ANKRD46: variants seen among roughly 807,000 people sequenced by gnomAD.
ANKRD46 encodes ankyrin repeat domain 46, also known as ankyrin repeat domain-containing protein 46.
In ANKRD46, 13 loss-of-function variants were observed where a neutral mutation model predicts 19.8. The observed-to-expected ratio is 0.66, with a 90% confidence interval of 0.43 to 1.04. The LOEUF (loss-of-function observed/expected upper bound fraction) is 1.04. Ranked by LOEUF, ANKRD46 falls within the 50% of genes least tolerant of loss-of-function variation. The probability of loss-of-function intolerance (pLI) is 0.00; values close to 1 mark genes in which losing one functional copy is unlikely to be tolerated. For missense variants in ANKRD46, 185 were observed against 274.8 expected (o/e 0.67, Z 2.31); for synonymous variants, 91 against 106.9 (o/e 0.85, Z 0.92).
At chr8:100,519,707 C>G (rs1811689819), downstream of ANKRD46, among the ~76,000 whole-genome samples, 1 of 152,162 alleles carries the variant, frequency 6.6e-6, no homozygotes, top group South Asian at 2.1e-4. Context: ...AGTGGTAAAC[C>G]TGTGGCAGGT....
At chr8:100,538,349 C>A (rs561064939) in intron 1 of ANKRD46, among the ~76,000 whole-genome samples, 1 of 152,112 alleles carries the variant, frequency 6.6e-6, no homozygotes, top group African/African-American at 2.4e-5. Context: ...ATACTGAACA[C>A]GTATGTACAG....
Position 100,522,646 on chromosome 8 carries a change from A to T in ANKRD46, c.596T>A (p.Ile199Asn). ...DLGFWRVLLL[I>N]FVIALLSLGI... The stretch of plus-strand genomic sequence containing the variant: ...AAGAGACAGCAAAGCAATGACGAAG[A>T]TCAACAGCAATACTCTCCAGAAGCC... The change falls in exon 5 of 5, where the codon ATC becomes AAC. Residue 199 changes from isoleucine to asparagine, a missense_variant. By Grantham distance (149) the Ile-to-Asn change is moderately radical. Transcript: ENST00000335659. 1.2e-6 allele frequency: 2 copies of T among 1,614,124 alleles called. No homozygotes were observed. The highest frequency in any genetic ancestry group is 1.7e-6 in the Non-Finnish European group (2 of 1,180,030).
chr8:100,520,494 C>T (rs1021999535), downstream of ANKRD46, among the ~76,000 whole-genome samples: 1 of 151,964 alleles, frequency 6.6e-6, no homozygotes, highest in African/African-American at 2.4e-5. Context: ...ATGTAGTGCT[C>T]AAGGGGGCGT....
rs374714449 is a variant in ANKRD46 at position 100,529,794 on chromosome 8, C to T, written c.40G>A (p.Val14Met). The change falls in exon 3 of 5, where the codon GTG (valine) becomes ATG (methionine). Residue 14 changes from valine (V) to methionine (M), a missense_variant. Physicochemically the swap from Val to Met is conservative, Grantham distance 21 (BLOSUM62 1). Coordinates refer to ENST00000335659, the MANE Select transcript of ANKRD46 (RefSeq NM_001270377.2). This position sits in a 1 kb window ranked among gnomAD's most constrained non-coding sequence, Gnocchi z 5.8. The stretch of plus-strand genomic sequence containing the variant: ...TCAATACAGGCTTGCAGCAAGGGCA[C>T]GTTAGTCTGAGAAGAATCATTTACA... ...VFVNDSSQTNVPLLQACIDGD... is the reference protein window; with the variant it reads ...VFVNDSSQTNMPLLQACIDGD... 33 of 1,614,182 alleles carry T rather than the reference C, an allele frequency of 2.0e-5. No homozygotes were observed. Among genetic ancestry groups the T allele is most frequent in the Non-Finnish European group, 2.5e-5 (30 of 1,180,042 alleles).
rs117723342 is a variant in ANKRD46 at position 100,543,658 on chromosome 8, T to C, written c.-130-10347A>G. Among the ~76,000 whole-genome samples the C allele has an allele frequency of 5.3e-3, 805 of 152,294 alleles. 6 individuals carry two copies. The highest frequency in any genetic ancestry group is 7.2e-3 in the Non-Finnish European group (492 of 68,010). ...AATAAATAAATTACACTCTCAGGAT[T>C]GACGAGCTTTGGATTTGGGGAAATG... On this transcript the variant is annotated intron_variant, in intron 1 of 4. Transcript: ENST00000335659. The surrounding 1 kb of genome is among the most constrained non-coding windows in gnomAD (Gnocchi z 4.2).
intron 5 of ANKRD46, among the ~76,000 whole-genome samples, chr8:100,514,845 C>T (rs891291914): frequency 6.6e-6 from 1 of 151,816 alleles, no homozygotes; most frequent in African/African-American, 2.4e-5. Flanking sequence ...TCACCATATT[C>T]GCCAGGCTGG....
In ANKRD46 at chr8:100,536,100, A is replaced by G. The variant is rs895629946; in HGVS notation, c.-130-2789T>C. On this transcript the variant is annotated intron_variant, in intron 1 of 4. Coordinates refer to ENST00000335659, the MANE Select transcript of ANKRD46 (RefSeq NM_001270377.2). The surrounding 1 kb of genome is among the most constrained non-coding windows in gnomAD (Gnocchi z 4.9). The stretch of plus-strand genomic sequence containing the variant: ...CAAGGGCACAGGTGGATGTACTGGC[A>G]TTTACCAAAGGGAGTGTTTAATAAG... Among the ~76,000 whole-genome samples the G allele has an allele frequency of 2.0e-5, 3 of 152,128 alleles. No individual in the cohort carries two copies. Among genetic ancestry groups the G allele is most frequent in the African/African-American group, 7.2e-5 (3 of 41,428 alleles).
In ANKRD46 at chr8:100,542,700, C is replaced by T. The variant is rs967134643; in HGVS notation, c.-130-9389G>A. Among the ~76,000 whole-genome samples, 5 of 152,128 alleles carry T rather than the reference C, an allele frequency of 3.3e-5. No individual in the cohort carries two copies. The South Asian group carries it at 1.0e-3, about 32-fold the overall frequency. ...TCACAAAAGAAAAACAGATTCCCTG[C>T]CCCCAGGTTTTCTAGCCTAGTTCAT... On this transcript the variant is annotated intron_variant, in intron 1 of 4. Coordinates refer to ENST00000335659, the MANE Select transcript of ANKRD46 (RefSeq NM_001270377.2).
downstream of ANKRD46, among the ~76,000 whole-genome samples, chr8:100,520,143 C>T (rs950272329): frequency 1.3e-5 from 2 of 151,962 alleles, no homozygotes; most frequent in African/African-American, 2.4e-5. Flanking sequence ...CAGTCAAGTA[C>T]GGTTAACTAT....
Position 100,529,874 on chromosome 8 carries a change from G to T in ANKRD46, c.-27-14C>A. The T allele has an allele frequency of 6.4e-7, 1 of 1,568,818 alleles. No individual in the cohort carries two copies. The highest frequency in any genetic ancestry group is 8.7e-7 in the Non-Finnish European group (1 of 1,148,018). On this transcript the variant is annotated splice_polypyrimidine_tract_variant and intron_variant, in intron 2 of 4. Transcript: ENST00000335659. The surrounding 1 kb of genome is among the most constrained non-coding windows in gnomAD (Gnocchi z 5.8). The stretch of plus-strand genomic sequence containing the variant: ...GATGGAACACGCCTGTAATGAAATA[G>T]GTGAGTGAGATTCCATGAAGACAAA...
intron 5 of ANKRD46, among the ~76,000 whole-genome samples, chr8:100,513,611 CTAAAATAACAAA>C (rs1223288708): frequency 2.0e-5 from 3 of 152,088 alleles, no homozygotes; most frequent in Non-Finnish European, 4.4e-5. Context: ...TGGAACTTAC[CTAAAATAACAAA>C]TAAATTTGGA....
At position 100,522,276 on chromosome 8, in the gene ANKRD46, C is replaced by G; in HGVS notation, c.*279G>C. On this transcript the variant is annotated 3_prime_UTR_variant, in exon 5 of 5. Coordinates refer to ENST00000335659, the MANE Select transcript of ANKRD46 (RefSeq NM_001270377.2). ...AGCTTCTTCCTTTATCTTCCATTCT[C>G]TAGTCACTTCCGTGTTTTTATCAAA... is the stretch of plus-strand genomic sequence containing the variant. 8.2e-7 allele frequency: 1 copy of G among 1,215,900 alleles called. No homozygotes were observed. Among genetic ancestry groups the G allele is most frequent in the African/African-American group, 1.5e-5 (1 of 65,614 alleles). 75.3% of individuals were successfully genotyped at this position (1,215,900 alleles called of 1,614,324 possible).
intron 5 of ANKRD46, among the ~76,000 whole-genome samples, chr8:100,512,249 C>A (rs1423300896): frequency 1.3e-5 from 2 of 152,178 alleles, no homozygotes; most frequent in African/African-American, 4.8e-5. Context: ...TTATAGCATT[C>A]TCTGAGCCAG....
At chr8:100,552,692 T>A (rs1306452303) in intron 1 of ANKRD46, among the ~76,000 whole-genome samples, 4 of 152,258 alleles carry the variant, frequency 2.6e-5, no homozygotes, top group Non-Finnish European at 5.9e-5. Flanking sequence ...ATACATTCAC[T>A]TTATTTTTCT....
rs575845511 is a variant in ANKRD46, at chr8:100,536,498, C to G, written c.-130-3187G>C. ...AAAATAAGCTATTATCCTTTTCAGGCTAGACACAGCTCTGGGGAGACAGTC... is the reference window on the plus strand; with the variant it reads ...AAAATAAGCTATTATCCTTTTCAGGGTAGACACAGCTCTGGGGAGACAGTC... On this transcript the variant is annotated intron_variant, in intron 1 of 4. Transcript: ENST00000335659. This position sits in a 1 kb window ranked among gnomAD's most constrained non-coding sequence, Gnocchi z 4.9. Among the ~76,000 whole-genome samples, 7 of 152,290 alleles carry G rather than the reference C, an allele frequency of 4.6e-5. No individual in the cohort carries two copies. The East Asian group carries it at 1.4e-3, about 29-fold the overall frequency.
rs1812210329 is a variant in ANKRD46 at position 100,543,247 on chromosome 8, T to C, written c.-130-9936A>G. Among the ~76,000 whole-genome samples the C allele has an allele frequency of 6.6e-6, 1 of 152,242 alleles. No individual in the cohort carries two copies. Among genetic ancestry groups the C allele is most frequent in the Non-Finnish European group, 1.5e-5 (1 of 68,046 alleles). On this transcript the variant is annotated intron_variant, in intron 1 of 4. Transcript: ENST00000335659. This position sits in a 1 kb window ranked among gnomAD's most constrained non-coding sequence, Gnocchi z 4.2. ...ACAGGCTTTGTTTGTTTAGACACTG[T>C]CAATTAAAACTGATTCCCAGTGTTA...
chr8:100,552,424 GAATTT>G (rs1215209832), intron 1 of ANKRD46, among the ~76,000 whole-genome samples: 1 of 151,156 alleles, frequency 6.6e-6, no homozygotes, highest in Non-Finnish European at 1.5e-5. Flanking sequence ...GCCCAAACAT[GAATTT>G]AATATATTAT....
Position 100,546,123 on chromosome 8 carries a change from A to AT in ANKRD46, c.-130-12813dup, listed in dbSNP as rs2130694668. 6.6e-6 allele frequency among the ~76,000 whole-genome samples: 1 copy of AT among 152,300 alleles called. No homozygotes were observed. Among genetic ancestry groups the AT allele is most frequent in the African/African-American group, 2.4e-5 (1 of 41,574 alleles). On this transcript the variant is annotated intron_variant, in intron 1 of 4. Coordinates refer to ENST00000335659, the MANE Select transcript of ANKRD46 (RefSeq NM_001270377.2). This position sits in a 1 kb window ranked among gnomAD's most constrained non-coding sequence, Gnocchi z 4.0. ...CCTGACTGGTAGAAAAGAAAACCCCATTTTCTGGGGAGAAACTCAAGCATG... is the reference window on the plus strand; with the variant it reads ...CCTGACTGGTAGAAAAGAAAACCCCATTTTTCTGGGGAGAAACTCAAGCATG...
chr8:100,538,235 A>G (rs1257650029), intron 1 of ANKRD46, among the ~76,000 whole-genome samples: 2 of 44,032 alleles, frequency 4.5e-5, no homozygotes, highest in African/African-American at 2.2e-4. Flanking sequence ...TAGGAAATAA[A>G]TATGAAAAAA....
Sources: allele counts gnomAD v4.1 joint callset (sites outside exome capture counted in the v4.1 genomes callset), GRCh38; gene constraint gnomAD v4.1.1; non-coding constraint Gnocchi (gnomAD v3.1); transcripts MANE v1.5; gene names NCBI Gene and HGNC (gene_info 2026-07-23, HGNC 2026-07-21).